The following MRTFB variants were observed in gnomAD, a reference collection of about 807,000 sequenced individuals.
MRTFB encodes the protein myocardin-related transcription factor B.
A neutral mutation model predicts 104.2 loss-of-function variants in MRTFB; 29 were observed. The observed-to-expected ratio is 0.28, with a 90% confidence interval of 0.21 to 0.38. The LOEUF (loss-of-function observed/expected upper bound fraction) is 0.38, where lower values mean the gene tolerates loss of function less well. MRTFB is among the 10% of genes least tolerant of loss of function. MRTFB has a pLI of 1.00. For synonymous variants in MRTFB, 535 were observed against 519.5 expected, an observed-to-expected ratio of 1.03 and a Z score of -0.41; for missense variants, 1,270 against 1,341.6, an observed-to-expected ratio of 0.95 and a Z score of 0.83.
At chr16:14,191,509 C>T (rs1022687577) in intron 3 of MRTFB, among the ~76,000 whole-genome samples, 1 of 152,224 alleles carries the variant, frequency 6.6e-6, no homozygotes. Flanking sequence ...TAGAGCTGCA[C>T]TGTCTTTGCT....
intron 2 of MRTFB, among the ~76,000 whole-genome samples, chr16:14,096,379 T>A (rs2035375699): frequency 6.6e-6 from 1 of 152,150 alleles, no homozygotes; most frequent in South Asian, 2.1e-4. Context: ...GCCGGCAACC[T>A]GAGATTTAGA....
At chr16:14,110,752 G>C (rs1383096450) in intron 2 of MRTFB, among the ~76,000 whole-genome samples, 1 of 152,134 alleles carries the variant, frequency 6.6e-6, no homozygotes, top group African/African-American at 2.4e-5. Context: ...CGTGAGACCA[G>C]GCTTTAGTTA....
intron 2 of MRTFB, among the ~76,000 whole-genome samples, chr16:14,082,809 GTAAA>G (rs2034487620): frequency 2.6e-5 from 4 of 151,930 alleles, no homozygotes; most frequent in Admixed American, 2.6e-4. Flanking sequence ...ATAAAATAAA[GTAAA>G]TAAAATGACA....
chr16:14,221,279 G>A (rs2041690316), intron 8 of MRTFB, among the ~76,000 whole-genome samples: 2 of 152,074 alleles, frequency 1.3e-5, no homozygotes, highest in South Asian at 2.1e-4. Flanking sequence ...ATTTGCCCAG[G>A]CATCTCACTT....
the MRTFB span, among the ~76,000 whole-genome samples, chr16:14,005,493 G>A: frequency 6.6e-6 from 1 of 152,166 alleles, no homozygotes; most frequent in Non-Finnish European, 1.5e-5. Context: ...TAGTTTCAAG[G>A]AGCAGGTGGT....
intron 2 of MRTFB, among the ~76,000 whole-genome samples, chr16:14,136,304 A>G (rs76306212): frequency 0.055 from 8,336 of 152,154 alleles, 799 homozygotes; most frequent in African/African-American, 0.19. Flanking sequence ...GTTCCTAAAT[A>G]GCACTTTGTA....
the MRTFB span, among the ~76,000 whole-genome samples, chr16:14,040,785 G>C: frequency 6.6e-6 from 1 of 152,014 alleles, no homozygotes; most frequent in Admixed American, 6.6e-5. Context: ...CATATTGCCA[G>C]ATATTTTTAT....
At chr16:14,137,287 T>C (rs2037769428) in intron 2 of MRTFB, among the ~76,000 whole-genome samples, 1 of 152,196 alleles carries the variant, frequency 6.6e-6, no homozygotes, top group African/African-American at 2.4e-5. Context: ...ATCTTTGCCT[T>C]TGCTACATTT....
intron 2 of MRTFB, among the ~76,000 whole-genome samples, chr16:14,111,177 G>A (rs1181701490): frequency 6.6e-6 from 1 of 152,200 alleles, no homozygotes; most frequent in Non-Finnish European, 1.5e-5. Flanking sequence ...TAGGATAACT[G>A]AATAAAGTTC....
rs1368636271 is a variant in MRTFB, at chr16:14,247,230, C to T, written c.1970C>T (p.Ala657Val). Residue 657 changes from alanine (A) to valine (V), a missense_variant, in exon 12 of 17, where the codon GCC becomes GTC. Ala to Val is a moderately conservative substitution (Grantham distance 64). Around this residue, in one of 3 missense-constraint regions of MRTFB, gnomAD observed 1,144 missense variants for 1,131.5 expected, o/e 1.01. Transcript: ENST00000571589. ...AGCTCCAGGCAGCCCATCCCAGTAG[C>T]CAGCCACGCTGTAGGCCAGCCCGTC... ...CSSSRQPIPV[A>V]SHAVGQPVST... is the part of the protein sequence containing the mutation. The T allele has an allele frequency of 1.9e-6, 3 of 1,614,222 alleles. No individual in the cohort carries two copies. In the Admixed American group the frequency reaches 5.0e-5, roughly 27 times the overall value.
At chr16:14,024,402 A>G in the MRTFB span, among the ~76,000 whole-genome samples, 1 of 152,218 alleles carries the variant, frequency 6.6e-6, no homozygotes, top group African/African-American at 2.4e-5. Context: ...AGATAGAGGT[A>G]GCCAAAGTCT....
At chr16:14,199,066 C>A (rs2040564502) in intron 3 of MRTFB, among the ~76,000 whole-genome samples, 1 of 152,204 alleles carries the variant, frequency 6.6e-6, no homozygotes, top group African/African-American at 2.4e-5. Flanking sequence ...TGAAAGCATG[C>A]TTACACTCTT....
At chr16:14,073,525 T>C (rs1172055871) in intron 1 of MRTFB, among the ~76,000 whole-genome samples, 1 of 152,262 alleles carries the variant, frequency 6.6e-6, no homozygotes, top group Non-Finnish European at 1.5e-5. Flanking sequence ...ACAAAAAGCA[T>C]GCTTTTGGTT....
At chr16:14,191,030 T>C (rs1466078543) in intron 3 of MRTFB, among the ~76,000 whole-genome samples, 1 of 152,236 alleles carries the variant, frequency 6.6e-6, no homozygotes, top group Non-Finnish European at 1.5e-5. Context: ...GTCTGAAATA[T>C]TATGAATAAT....
At chr16:14,067,365 G>A (rs368959975), upstream of MRTFB, among the ~76,000 whole-genome samples, 30 of 152,004 alleles carry the variant, frequency 2.0e-4, no homozygotes, top group East Asian at 3.9e-3. Context: ...TGGGATTATA[G>A]GCATGCGCCA....
At chr16:14,170,837 G>C (rs1177683536) in intron 3 of MRTFB, among the ~76,000 whole-genome samples, 1 of 152,112 alleles carries the variant, frequency 6.6e-6, no homozygotes, top group Non-Finnish European at 1.5e-5. Context: ...TGATCTCCTT[G>C]AAAAATGTTG....
rs1284984773 is a variant in MRTFB at position 14,071,326 on chromosome 16, C to CGCG, written c.-157_-155dup. ...AGGGGAGCGAAGTCTCGCGAGATCGCGCGGCGGCGGCGGGAGCGGCGGCGG... is the reference window on the plus strand; with the variant it reads ...AGGGGAGCGAAGTCTCGCGAGATCGCGCGGCGGCGGCGGCGGGAGCGGCGGCGG... On this transcript the variant is annotated 5_prime_UTR_variant, in exon 1 of 17. Coordinates refer to ENST00000571589, the MANE Select transcript of MRTFB (RefSeq NM_001308142.2). 7 of 166,596 alleles carry CGCG rather than the reference C, an allele frequency of 4.2e-5. No individual in the cohort carries two copies. Among genetic ancestry groups the CGCG allele is most frequent in the South Asian group, 3.4e-4 (2 of 5,918 alleles). The allele number at this position is 166,596 out of a possible 1,614,324, so 10.3% of individuals were successfully genotyped here.
chr16:14,012,637 G>A, the MRTFB span, among the ~76,000 whole-genome samples: 5 of 152,192 alleles, frequency 3.3e-5, no homozygotes, highest in South Asian at 2.1e-4. Flanking sequence ...CCATCCTCAG[G>A]ACAACTCTGA....
intron 10 of MRTFB, among the ~76,000 whole-genome samples, chr16:14,242,514 CCATTA>C (rs2042817580): frequency 6.6e-6 from 1 of 152,120 alleles, no homozygotes. Context: ...TATCAAAATT[CCATTA>C]CAAGAAACTG....
Sources: allele counts gnomAD v4.1 joint callset (sites outside exome capture counted in the v4.1 genomes callset), GRCh38; gene constraint gnomAD v4.1.1; regional missense constraint gnomAD v4.1.1; transcripts MANE v1.5; gene names NCBI Gene and HGNC (gene_info 2026-07-23, HGNC 2026-07-21).